Variants in C10orf90 observed in about 807,000 individuals in gnomAD.
The protein encoded by C10orf90 is (E2-independent) E3 ubiquitin-conjugating enzyme FATS.
A neutral mutation model predicts 62.5 loss-of-function variants in C10orf90; 56 were observed. The ratio of observed to expected loss-of-function variants is 0.90; its 90% CI spans 0.72 to 1.12. The LOEUF is 1.12. Among genes scored for constraint, C10orf90 ranks in the 50% most tolerant of loss-of-function variants. C10orf90 has a pLI of 0.00. For missense variants in C10orf90, 970 were observed against 880.4 expected (o/e 1.10, Z -1.29); for synonymous variants, 386 against 340.4 (o/e 1.13, Z -1.47).
At chr10:126,484,071 C>A (rs1861299222) in intron 4 of C10orf90, among the ~76,000 whole-genome samples, 1 of 152,140 alleles carries the variant, frequency 6.6e-6, no homozygotes, top group Non-Finnish European at 1.5e-5. Flanking sequence ...TCCTCTCTTT[C>A]TCTCTCCTGT....
chr10:126,476,620 C>G (rs138921730), intron 4 of C10orf90, among the ~76,000 whole-genome samples: 2 of 152,310 alleles, frequency 1.3e-5, no homozygotes, highest in African/African-American at 4.8e-5. Context: ...GACCATTTCT[C>G]AATGCAATAA....
intron 2 of C10orf90, among the ~76,000 whole-genome samples, chr10:126,630,261 G>A (rs1419335041): frequency 6.6e-6 from 1 of 152,148 alleles, no homozygotes; most frequent in Non-Finnish European, 1.5e-5. Flanking sequence ...CCTTCATTCA[G>A]CAAATCCTGT....
chr10:126,527,526 C>T (rs1015596323), intron 2 of C10orf90, among the ~76,000 whole-genome samples: 1 of 152,238 alleles, frequency 6.6e-6, no homozygotes, highest in African/African-American at 2.4e-5. Context: ...TCTCGTATCT[C>T]TGCACCTTCA....
At chr10:126,519,068 C>A (rs980605599) in intron 2 of C10orf90, among the ~76,000 whole-genome samples, 3 of 152,092 alleles carry the variant, frequency 2.0e-5, no homozygotes, top group Admixed American at 2.0e-4. Context: ...TGATAAGCCA[C>A]GGACAGAGCC....
At chr10:126,490,940 C>A (rs1591001025) in intron 4 of C10orf90, among the ~76,000 whole-genome samples, 1 of 152,078 alleles carries the variant, frequency 6.6e-6, no homozygotes, top group East Asian at 1.9e-4. Flanking sequence ...CCTAAGGAAT[C>A]TACAAAAACA....
intron 1 of C10orf90, among the ~76,000 whole-genome samples, chr10:126,647,963 G>T (rs1164935496): frequency 6.6e-6 from 1 of 152,114 alleles, no homozygotes; most frequent in Non-Finnish European, 1.5e-5. Context: ...TGTTGTTTTT[G>T]TTACTAAGTG....
At chr10:126,505,206 C>T (rs1253452128) in intron 3 of C10orf90, 121 bp from the exon 4 acceptor site, 1 of 1,045,782 alleles carries the variant, frequency 9.6e-7, no homozygotes, top group Non-Finnish European at 1.3e-6. Context: ...ATGTCTTGTC[C>T]AAGGCTTTTT....
intron 4 of C10orf90, among the ~76,000 whole-genome samples, chr10:126,478,476 A>T (rs1861009357): frequency 6.6e-6 from 1 of 152,256 alleles, no homozygotes; most frequent in African/African-American, 2.4e-5. Context: ...TAAACAGGGG[A>T]TCTGTAAGTG....
At chr10:126,459,399 A>G (rs59940398) in intron 6 of C10orf90, among the ~76,000 whole-genome samples, 182 bp from the exon 7 acceptor site, 1,824 of 152,344 alleles carry the variant, frequency 0.012, 36 homozygotes, top group African/African-American at 0.041. Context: ...AGGCATGTTG[A>G]CAACACAGGT....
At chr10:126,489,334 A>G (rs1295519062) in intron 4 of C10orf90, among the ~76,000 whole-genome samples, 3 of 152,142 alleles carry the variant, frequency 2.0e-5, no homozygotes, top group Admixed American at 6.5e-5. Flanking sequence ...ATGCATAAAA[A>G]AGTTCTCAAA....
chr10:126,603,124 G>C (rs1845233454), intron 2 of C10orf90, among the ~76,000 whole-genome samples: 2 of 152,076 alleles, frequency 1.3e-5, no homozygotes, highest in Admixed American at 1.3e-4. Context: ...TGGAGGTGGA[G>C]CTGGAAGTCA....
At chr10:126,602,971 G>A (rs887332688) in intron 2 of C10orf90, among the ~76,000 whole-genome samples, 10 of 151,362 alleles carry the variant, frequency 6.6e-5, no homozygotes, top group African/African-American at 2.4e-4. Context: ...GGAGAAGGGA[G>A]AGAGAGAGAG....
chr10:126,565,082 A>AATAT (rs1844312310), intron 2 of C10orf90, among the ~76,000 whole-genome samples: 1 of 23,306 alleles, frequency 4.3e-5, no homozygotes, highest in Non-Finnish European at 8.1e-5. Context: ...TATAATATAT[A>AATAT]AAATATATAT....
intron 4 of C10orf90, among the ~76,000 whole-genome samples, chr10:126,500,691 C>G (rs1274622637): frequency 6.6e-6 from 1 of 152,192 alleles, no homozygotes; most frequent in Non-Finnish European, 1.5e-5. Context: ...GAACCAATTT[C>G]TTAACATTCA....
chr10:126,468,079 C>CTTT (rs553157307), intron 4 of C10orf90, among the ~76,000 whole-genome samples: 2 of 142,912 alleles, frequency 1.4e-5, no homozygotes, highest in Non-Finnish European at 1.5e-5. Flanking sequence ...ACAAAGCTAG[C>CTTT]TTTTTTTTTT....
At chr10:126,496,171 C>T (rs1342816661) in intron 4 of C10orf90, among the ~76,000 whole-genome samples, 1 of 152,200 alleles carries the variant, frequency 6.6e-6, no homozygotes, top group Admixed American at 6.5e-5. Context: ...CTATTCCTGG[C>T]AAACCTGAGT....
At chr10:126,564,268 T>C (rs989001622) in intron 2 of C10orf90, among the ~76,000 whole-genome samples, 7 of 151,860 alleles carry the variant, frequency 4.6e-5, no homozygotes, top group Non-Finnish European at 1.0e-4. Context: ...ACCATCCAGA[T>C]GAACATCAAG....
At chr10:126,469,257 G>C (rs1487398931) in intron 4 of C10orf90, among the ~76,000 whole-genome samples, 1 of 152,218 alleles carries the variant, frequency 6.6e-6, no homozygotes, top group African/African-American at 2.4e-5. Context: ...TTTAAATTGT[G>C]TTAAAGGCAT....
At chr10:126,583,671 T>A (rs533202818) in intron 2 of C10orf90, among the ~76,000 whole-genome samples, 444 of 152,318 alleles carry the variant, frequency 2.9e-3, no homozygotes, top group Non-Finnish European at 4.8e-3. Flanking sequence ...GCCCCCCACC[T>A]TGCCACAGCT....
Sources: gnomAD v4.1 joint callset for allele counts (sites outside exome capture counted in the v4.1 genomes callset) on GRCh38, gnomAD v4.1.1 for gene constraint, MANE v1.5 for transcripts, NCBI Gene and HGNC (gene_info 2026-07-23, HGNC 2026-07-21) for gene names.